The following INF2 variants were observed in gnomAD, a reference collection of about 807,000 sequenced individuals.
The protein encoded by INF2 is inverted formin 2, also known as inverted formin-2.
Under a neutral mutation model 123.5 loss-of-function variants are expected in INF2, and 43 were observed. The ratio of observed to expected loss-of-function variants is 0.35; its 90% CI spans 0.27 to 0.45. INF2 has a LOEUF of 0.45. Ranked by LOEUF, INF2 falls within the 20% of genes least tolerant of loss-of-function variation. The pLI is 1.00. For synonymous variants in INF2, 851 were observed against 745.0 expected (o/e 1.14, Z -2.32); for missense variants, 1,453 against 1,682.7 (o/e 0.86, Z 2.39).
chr14:104,709,320 T>G lies in INF2; in HGVS notation c.1989T>G (p.Asp663Glu), dbSNP rs144069981. 1.2e-6 allele frequency: 2 copies of G among 1,613,164 alleles called. No individual in the cohort carries two copies. Among genetic ancestry groups the G allele is most frequent in the African/African-American group, 2.7e-5 (2 of 75,052 alleles). ...EEVAAMIRAG[D>E]TTKFDVEVLK... ...TCGCTGCTATGATCCGGGCTGGAGA[T>G]ACCACCAAGTTTGATGTGGAGGTTC... Residue 663 changes from aspartate to glutamate, a missense_variant, in exon 11 of 23, where the codon GAT becomes GAG. Around this residue, in one of 8 missense-constraint regions of INF2, gnomAD observed 192 missense variants for 274.4 expected, o/e 0.70. Transcript: ENST00000392634.
rs1386891353 is a variant in INF2, at chr14:104,707,459, G to A, written c.1192G>A (p.Asp398Asn). The A allele has an allele frequency of 1.3e-6, 2 of 1,558,750 alleles. No homozygotes were observed. Among genetic ancestry groups the A allele is most frequent in the Non-Finnish European group, 1.7e-6 (2 of 1,152,054 alleles). ...PAAAAACEPV[D>N]HAQSESILKV... ...AGCAGCTGCTGCCTGCGAGCCCGTG[G>A]ACCACGCCCAGAGTGAGAGCATCCT... The change falls in exon 8 of 23, where the codon GAC (aspartate) becomes AAC (asparagine). Residue 398 changes from aspartate to asparagine, a missense_variant. By Grantham distance (23) the Asp-to-Asn change is conservative. Transcript: ENST00000392634.
At chr14:104,710,726 C>T in intron 13 of INF2, 1 of 591,110 alleles carries the variant, frequency 1.7e-6, no homozygotes, top group Non-Finnish European at 3.0e-6. Context: ...AGGCACAGCT[C>T]ACGTCTGTCA....
Position 104,701,437 on chromosome 14 carries a change from C to G in INF2, c.72C>G (p.Asp24Glu). ...AGAAGCTGGGGCCACAGGATTCGGA[C>G]CCCACGGAGGCCAACCTGGAGAGCG... Reference protein sequence around the residue: ...LKEKLGPQDSDPTEANLESAD... With the variant: ...LKEKLGPQDSEPTEANLESAD... Residue 24 changes from aspartate to glutamate, a missense_variant, in exon 2 of 23, where the codon GAC becomes GAG. This residue lies in a region of INF2 where 43 missense variants were observed against 44.7 expected (regional missense o/e 0.96). Coordinates refer to ENST00000392634, the MANE Select transcript of INF2 (RefSeq NM_022489.4). 1 of 1,595,826 alleles carries G rather than the reference C, an allele frequency of 6.3e-7. No individual in the cohort carries two copies. The highest frequency in any genetic ancestry group is 8.5e-7 in the Non-Finnish European group (1 of 1,171,098).
In INF2 at chr14:104,684,296, A is replaced by G. The variant is rs1888607947; in HGVS notation, c.-104+2714A>G. ...AGGTGGACTGCGTCTCCCGAGGGCC[A>G]GCACTGGCTTAGCCTGCTCAGTGAG... is the stretch of plus-strand genomic sequence containing the variant. On this transcript the variant is annotated intron_variant, in intron 1 of 2. Coordinates refer to the INF2 transcript ENST00000674723. The surrounding 1 kb of genome is among the most constrained non-coding windows in gnomAD (Gnocchi z 5.0). The G allele has an allele frequency of 2.6e-6, 1 of 378,324 alleles. No individual in the cohort carries two copies. 23.4% of individuals were successfully genotyped at this position (378,324 alleles called of 1,614,324 possible). A position where few individuals can be genotyped will look rare whatever the true frequency, so the allele number is the denominator to read the frequency against.
At chr14:104,708,776 C>T in intron 10 of INF2, 44 bp downstream of exon 10, 4 of 1,594,022 alleles carry the variant, frequency 2.5e-6, no homozygotes, top group Non-Finnish European at 3.4e-6. Flanking sequence ...CGGAGCCTCG[C>T]CTCCACCTGA....
At chr14:104,692,571 C>T (rs541437714) in intron 1 of INF2, among the ~76,000 whole-genome samples, 141 of 152,340 alleles carry the variant, frequency 9.3e-4, no homozygotes, top group South Asian at 8.3e-4. Flanking sequence ...TAGCCATTAC[C>T]GGGCCTCCAA....
In INF2 at chr14:104,706,062, C is replaced by A; in HGVS notation, c.729C>A (p.Ile243=). The A allele has an allele frequency of 1.9e-6, 3 of 1,612,508 alleles. No homozygotes were observed. The highest frequency in any genetic ancestry group is 2.5e-6 in the Non-Finnish European group (3 of 1,179,706). Residue 243 remains isoleucine, a synonymous_variant, in exon 6 of 23, where the codon ATC becomes ATA. Coordinates refer to ENST00000392634, the MANE Select transcript of INF2 (RefSeq NM_022489.4). The part of the protein sequence containing the change: ...LRDLEDADLL[I]QLEAFEEAKA... ...ACCTGGAGGATGCCGACCTGCTGAT[C>A]CAGCTGGAGGCTTTCGAGGAGGCTA...
intron 1 of INF2, 70 bp from the exon 2 acceptor site, chr14:104,701,287 C>A: frequency 6.7e-7 from 1 of 1,494,048 alleles, no homozygotes. Flanking sequence ...AGTGGCCCCG[C>A]CTGCGCTGGT....
At chr14:104,702,995 A>G in intron 2 of INF2, 110 bp from the exon 3 acceptor site, 1 of 849,524 alleles carries the variant, frequency 1.2e-6, no homozygotes, top group South Asian at 1.4e-5. Flanking sequence ...AGTGCCCGGC[A>G]CCCCCTGGCG....
chr14:104,698,584 C>T (rs1267294405), intron 1 of INF2, among the ~76,000 whole-genome samples: 1 of 152,260 alleles, frequency 6.6e-6, no homozygotes, highest in Non-Finnish European at 1.5e-5. Context: ...ATCACAGAAG[C>T]TGTCAGTTAT....
intron 1 of INF2, among the ~76,000 whole-genome samples, chr14:104,696,331 G>A (rs1239516576): frequency 1.3e-5 from 2 of 152,326 alleles, no homozygotes; most frequent in South Asian, 2.1e-4. Flanking sequence ...GGTGTGAGAC[G>A]GGCCAGGTGA....
At chr14:104,704,243 G>C in intron 5 of INF2, 1 of 1,269,644 alleles carries the variant, frequency 7.9e-7, no homozygotes, top group Non-Finnish European at 1.0e-6. Flanking sequence ...GATCCTAAGT[G>C]AACCAACCCA....
chr14:104,681,398 G>A (rs1888521625), exon 1 of INF2: 1 of 469,562 alleles, frequency 2.1e-6, no homozygotes, highest in African/African-American at 2.0e-5. Flanking sequence ...GGGGACCTTG[G>A]ACACGGAGCT....
chr14:104,708,130 C>T, intron 8 of INF2, 128 bp downstream of exon 8: 5 of 1,451,604 alleles, frequency 3.4e-6, no homozygotes, highest in East Asian at 2.4e-5. Context: ...GGCAGCCTGG[C>T]CCTTGCTCTG....
At chr14:104,693,958 C>T (rs1673147821) in intron 1 of INF2, among the ~76,000 whole-genome samples, 1 of 152,210 alleles carries the variant, frequency 6.6e-6, no homozygotes, top group African/African-American at 2.4e-5. Context: ...GCCACCTGTC[C>T]CCACCTGCCT....
Position 104,699,656 on chromosome 14 carries a change from C to A in INF2, c.-9-1701C>A. 1 of 914,302 alleles carries A rather than the reference C, an allele frequency of 1.1e-6. No individual in the cohort carries two copies. Among genetic ancestry groups the A allele is most frequent in the Non-Finnish European group, 1.3e-6 (1 of 764,892 alleles). 56.6% of individuals were successfully genotyped at this position (914,302 alleles called of 1,614,324 possible). A position where few individuals can be genotyped will look rare whatever the true frequency, so the allele number is the denominator to read the frequency against. On this transcript the variant is annotated intron_variant, in intron 1 of 22. Coordinates refer to ENST00000392634, the MANE Select transcript of INF2 (RefSeq NM_022489.4). This position sits in a 1 kb window ranked among gnomAD's most constrained non-coding sequence, Gnocchi z 4.7. ...CCGGGCCTGGGAGGGTGGCTTAAAACCACAGTGCACCGGGGGCTCCGGGCT... is the reference window on the plus strand; with the variant it reads ...CCGGGCCTGGGAGGGTGGCTTAAAAACACAGTGCACCGGGGGCTCCGGGCT...
At chr14:104,698,313 T>A (rs1468216970) in intron 1 of INF2, among the ~76,000 whole-genome samples, 1 of 152,194 alleles carries the variant, frequency 6.6e-6, no homozygotes, top group Non-Finnish European at 1.5e-5. Flanking sequence ...CCTTCTGGAA[T>A]CCTTGCAGAA....
intron 1 of INF2, among the ~76,000 whole-genome samples, chr14:104,682,246 C>T (rs6576057): frequency 0.014 from 2,132 of 152,216 alleles, 54 homozygotes; most frequent in African/African-American, 0.049. Context: ...TGGGGAGGGA[C>T]AGGGAGGGCC....
intron 1 of INF2, among the ~76,000 whole-genome samples, chr14:104,691,974 G>T (rs530885301): frequency 2.6e-5 from 4 of 152,314 alleles, no homozygotes; most frequent in African/African-American, 9.6e-5. Context: ...GGTGGTGCCT[G>T]TCCTCTCCTG....
Sources: gnomAD v4.1 joint callset for allele counts (sites outside exome capture counted in the v4.1 genomes callset) on GRCh38, gnomAD v4.1.1 for gene constraint, gnomAD v4.1.1 regional missense constraint, Gnocchi (gnomAD v3.1) non-coding constraint, MANE v1.5 for transcripts, NCBI Gene and HGNC (gene_info 2026-07-23, HGNC 2026-07-21) for gene names.